Variants in SHE observed in about 807,000 individuals in gnomAD.
The protein encoded by SHE is Src homology 2 domain containing E.
A neutral mutation model predicts 49.8 loss-of-function variants in SHE; 11 were observed. That is an observed-to-expected ratio of 0.22 (90% CI 0.14 to 0.37). SHE has a LOEUF of 0.37. Among genes scored for constraint, SHE ranks in the 10% least tolerant of loss-of-function variants. SHE has a pLI of 1.00. For missense variants in SHE, 624 were observed against 655.5 expected, an observed-to-expected ratio of 0.95 and a Z score of 0.52; for synonymous variants, 310 against 278.1, an observed-to-expected ratio of 1.11 and a Z score of -1.14.
At position 154,481,545 on chromosome 1, in the gene SHE, CT is replaced by C. The variant is rs1299334491; in HGVS notation, c.*2603del. ...TTTCATTATACATTCATCACAGTTG[CT>C]GGGTATGGGCCAAAAATCATTTAGT... is the stretch of plus-strand genomic sequence containing the variant. On this transcript the variant is annotated 3_prime_UTR_variant, in exon 6 of 6. Transcript: ENST00000304760. 1.0e-6 allele frequency: 1 copy of C among 985,220 alleles called. No homozygotes were observed. The highest frequency in any genetic ancestry group is 1.2e-6 in the Non-Finnish European group (1 of 829,934). The allele number at this position is 985,220 out of a possible 1,614,324, so 61.0% of individuals were successfully genotyped here. A position where few individuals can be genotyped will look rare whatever the true frequency, so the allele number is the denominator to read the frequency against.
At chr1:154,493,154 T>G (rs1398005928) in intron 2 of SHE, among the ~76,000 whole-genome samples, 2 of 152,254 alleles carry the variant, frequency 1.3e-5, no homozygotes, top group Non-Finnish European at 2.9e-5. Context: ...GAGTTGAGAA[T>G]GCTTTCTTGC....
At chr1:154,485,869 T>C (rs927826461) in intron 5 of SHE, 74 bp downstream of exon 5, 21 of 1,512,178 alleles carry the variant, frequency 1.4e-5, no homozygotes, top group Non-Finnish European at 1.9e-5. Context: ...TCACAGTATG[T>C]TTTTTTTGAC....
rs1692004169 is a variant in SHE, at chr1:154,480,988, TGAAA to T, written c.*3157_*3160del. Reference sequence around the variant, plus strand: ...GATGCTAAATTCAAGGCAAATTCACTGAAAGACATTCTTCTCACCAGAGAATATC... The same window carrying T: ...GATGCTAAATTCAAGGCAAATTCACTGACATTCTTCTCACCAGAGAATATC... On this transcript the variant is annotated 3_prime_UTR_variant, in exon 6 of 6. Transcript: ENST00000304760. The T allele has an allele frequency of 2.0e-6, 2 of 985,272 alleles. No individual in the cohort carries two copies. Among genetic ancestry groups the T allele is most frequent in the African/African-American group, 3.5e-5 (2 of 57,220 alleles). The allele number at this position is 985,272 out of a possible 1,614,324, so 61.0% of individuals were successfully genotyped here. A position where few individuals can be genotyped will look rare whatever the true frequency, so the allele number is the denominator to read the frequency against.
At chr1:154,478,462 GACCTGGGCCGCA>G (rs1691939019), downstream of SHE, among the ~76,000 whole-genome samples, 1 of 146,070 alleles carries the variant, frequency 6.8e-6, no homozygotes, top group Non-Finnish European at 1.5e-5. Flanking sequence ...TCTAGAGTGA[GACCTGGGCCGCA>G]ATCTGGGCTC....
chr1:154,501,508 G>A lies in SHE; in HGVS notation c.519C>T (p.Ser173=), dbSNP rs1272805587. The A allele has an allele frequency of 1.2e-6, 2 of 1,614,198 alleles. No individual in the cohort carries two copies. The highest frequency in any genetic ancestry group is 2.2e-5 in the South Asian group (2 of 91,086). The change falls in exon 1 of 6, where the codon TCC becomes TCT. Residue 173 remains serine (S), a synonymous_variant. Coordinates refer to ENST00000304760, the MANE Select transcript of SHE (RefSeq NM_001010846.3). Reference sequence around the variant, plus strand: ...GGGAGGAAGGGGAAGAGGACGCGGAGGAAGAGGAGCTGGAGCTGGAGCTAC... The same window carrying A: ...GGGAGGAAGGGGAAGAGGACGCGGAAGAAGAGGAGCTGGAGCTGGAGCTAC... ...SSSSSSSSSS[S]SASSSPSSLG...
chr1:154,493,761 C>T (rs1421405925), intron 2 of SHE, among the ~76,000 whole-genome samples: 1 of 152,202 alleles, frequency 6.6e-6, no homozygotes, highest in Admixed American at 6.5e-5. Context: ...AAGTATTGCC[C>T]TATATGGTCC....
downstream of SHE, among the ~76,000 whole-genome samples, chr1:154,475,940 G>A (rs1195918462): frequency 6.6e-6 from 1 of 152,218 alleles, no homozygotes; most frequent in African/African-American, 2.4e-5. Context: ...GGGATTACAG[G>A]CATGAGCCAC....
chr1:154,492,363 C>A (rs1692393547), intron 2 of SHE, among the ~76,000 whole-genome samples: 1 of 152,232 alleles, frequency 6.6e-6, no homozygotes, highest in Admixed American at 6.5e-5. Context: ...CACTTCCACA[C>A]CTCCTGGGTG....
In SHE at chr1:154,482,845, G is replaced by A. The variant is rs1193670040; in HGVS notation, c.*1304C>T. ...CAAGGCAGTCTGCTTGGTACAGAAC[G>A]AGAGAATCTTTGTAGGCTTTAGAGA... On this transcript the variant is annotated 3_prime_UTR_variant, in exon 6 of 6. Transcript: ENST00000304760. The A allele has an allele frequency of 5.1e-6, 5 of 985,270 alleles. No individual in the cohort carries two copies. Among genetic ancestry groups the A allele is most frequent in the East Asian group, 1.1e-4 (1 of 8,836 alleles). 61.0% of individuals were successfully genotyped at this position (985,270 alleles called of 1,614,324 possible). A position where few individuals can be genotyped will look rare whatever the true frequency, so the allele number is the denominator to read the frequency against.
At chr1:154,477,636 A>G (rs1691909277), downstream of SHE, among the ~76,000 whole-genome samples, 1 of 152,108 alleles carries the variant, frequency 6.6e-6, no homozygotes, top group South Asian at 2.1e-4. Flanking sequence ...CATGCCTATA[A>G]TCTCAGCACT....
chr1:154,495,730 A>G, intron 2 of SHE, among the ~76,000 whole-genome samples: 1 of 57,266 alleles, frequency 1.7e-5, no homozygotes, highest in Admixed American at 2.7e-4. Flanking sequence ...GGCCTAGTAC[A>G]TAATAAAAAA....
At chr1:154,469,989 A>G in exon 2 of SHE, 1 of 284,744 alleles carries the variant, frequency 3.5e-6, no homozygotes, top group African/African-American at 2.2e-5. Flanking sequence ...TAAACAGTTC[A>G]GGGATGGGGA....
At chr1:154,500,084 A>T (rs1462560709) in intron 1 of SHE, among the ~76,000 whole-genome samples, 1 of 152,198 alleles carries the variant, frequency 6.6e-6, no homozygotes, top group Non-Finnish European at 1.5e-5. Flanking sequence ...GAGAATTCAG[A>T]TACATGAGGA....
In SHE at chr1:154,482,585, A is replaced by G. The variant is rs1030050365; in HGVS notation, c.*1564T>C. On this transcript the variant is annotated 3_prime_UTR_variant, in exon 6 of 6. Transcript: ENST00000304760. ...CAGTCAGTACATTTGCATATGGGGC[A>G]GTTTTGAGACCCAAATGACCAACCC... 11 of 985,456 alleles carry G rather than the reference A, an allele frequency of 1.1e-5. No homozygotes were observed. The highest frequency in any genetic ancestry group is 1.1e-5 in the Non-Finnish European group (9 of 829,952). 61.0% of individuals were successfully genotyped at this position (985,456 alleles called of 1,614,324 possible). A position where few individuals can be genotyped will look rare whatever the true frequency, so the allele number is the denominator to read the frequency against.
At chr1:154,470,887 G>A (rs1255851217) in intron 1 of SHE, among the ~76,000 whole-genome samples, 1 of 152,024 alleles carries the variant, frequency 6.6e-6, no homozygotes, top group African/African-American at 2.4e-5. Flanking sequence ...GCGGTCACCT[G>A]TGATTCCAGC....
chr1:154,481,116 T>C lies in SHE; in HGVS notation c.*3033A>G, dbSNP rs1692007903. On this transcript the variant is annotated 3_prime_UTR_variant, in exon 6 of 6. Coordinates refer to ENST00000304760, the MANE Select transcript of SHE (RefSeq NM_001010846.3). Reference sequence around the variant, plus strand: ...CAGAGCATTCAGAGCTCAGAGAACATGTCACAGAGCTTCAGATCAGCTGGC... The same window carrying C: ...CAGAGCATTCAGAGCTCAGAGAACACGTCACAGAGCTTCAGATCAGCTGGC... 12 of 985,318 alleles carry C rather than the reference T, an allele frequency of 1.2e-5. No individual in the cohort carries two copies. Among genetic ancestry groups the C allele is most frequent in the Non-Finnish European group, 1.3e-5 (11 of 829,948 alleles). The allele number at this position is 985,318 out of a possible 1,614,324, so 61.0% of individuals were successfully genotyped here.
intron 2 of SHE, among the ~76,000 whole-genome samples, chr1:154,492,229 C>T (rs150394208): frequency 9.9e-5 from 15 of 152,038 alleles, no homozygotes; most frequent in East Asian, 5.8e-4. Context: ...AAATCACCCG[C>T]GGGCTTTCAC....
At chr1:154,492,270 T>C (rs542960002) in intron 2 of SHE, among the ~76,000 whole-genome samples, 5 of 152,174 alleles carry the variant, frequency 3.3e-5, no homozygotes, top group African/African-American at 1.2e-4. Context: ...GAGGTTCAGA[T>C]TGGATTAGTC....
rs1167180661 is a variant in SHE at position 154,480,489 on chromosome 1, A to G, written c.*3660T>C. 3.3e-5 allele frequency: 33 copies of G among 985,352 alleles called. No individual in the cohort carries two copies. The South Asian group carries it at 1.3e-3, about 38-fold the overall frequency. The allele number at this position is 985,352 out of a possible 1,614,324, so 61.0% of individuals were successfully genotyped here. A position where few individuals can be genotyped will look rare whatever the true frequency, so the allele number is the denominator to read the frequency against. Reference sequence around the variant, plus strand: ...ACTAGTAACAGAGTTACATAATCCAATTAACAAATTAGGACAATTTCCCAC... The same window carrying G: ...ACTAGTAACAGAGTTACATAATCCAGTTAACAAATTAGGACAATTTCCCAC... On this transcript the variant is annotated 3_prime_UTR_variant, in exon 6 of 6. Coordinates refer to ENST00000304760, the MANE Select transcript of SHE (RefSeq NM_001010846.3).
Sources: allele counts gnomAD v4.1 joint callset (sites outside exome capture counted in the v4.1 genomes callset), GRCh38; gene constraint gnomAD v4.1.1; transcripts MANE v1.5; gene names NCBI Gene and HGNC (gene_info 2026-07-23, HGNC 2026-07-21).